Variants in RPTOR observed in about 807,000 individuals in gnomAD.
The protein encoded by RPTOR is regulatory-associated protein of mTOR.
A neutral mutation model predicts 169.9 loss-of-function variants in RPTOR; 21 were observed. That is an observed-to-expected ratio of 0.12 (90% CI 0.09 to 0.18). The LOEUF is 0.18. Among genes scored for constraint, RPTOR ranks in the 10% least tolerant of loss-of-function variants. The pLI is 1.00. For missense variants in RPTOR, 1,133 were observed against 1,855.9 expected (o/e 0.61, Z 7.16); for synonymous variants, 732 against 753.2 (o/e 0.97, Z 0.46).
At chr17:80,842,277 TATTA>T (rs1055656545) in intron 10 of RPTOR, among the ~76,000 whole-genome samples, 3 of 152,258 alleles carry the variant, frequency 2.0e-5, no homozygotes, top group Non-Finnish European at 2.9e-5. Context: ...TGGATTTTTG[TATTA>T]ATTTTTATTT....
chr17:80,849,846 T>C (rs1446452057), intron 11 of RPTOR, among the ~76,000 whole-genome samples: 1 of 152,214 alleles, frequency 6.6e-6, no homozygotes, highest in Non-Finnish European at 1.5e-5. Context: ...CGAGGAGCTC[T>C]GGACTCTCGT....
At chr17:80,741,130 C>A (rs1439915518) in intron 5 of RPTOR, among the ~76,000 whole-genome samples, 4 of 152,190 alleles carry the variant, frequency 2.6e-5, no homozygotes, top group Non-Finnish European at 2.9e-5. Flanking sequence ...TGGCAAGGTT[C>A]TCAAGATGTG....
chr17:80,636,689 C>T (rs1181061488), intron 2 of RPTOR, among the ~76,000 whole-genome samples: 1 of 152,166 alleles, frequency 6.6e-6, no homozygotes, highest in Non-Finnish European at 1.5e-5. Flanking sequence ...GCACTAGCCC[C>T]AGTATCCCCA....
intron 9 of RPTOR, among the ~76,000 whole-genome samples, chr17:80,826,435 G>A (rs770448103): frequency 2.6e-5 from 4 of 152,236 alleles, no homozygotes; most frequent in East Asian, 1.9e-4. Flanking sequence ...GGCAGTAACC[G>A]CAGGTCTGGA....
At chr17:80,669,312 C>T (rs1012356420) in intron 3 of RPTOR, among the ~76,000 whole-genome samples, 2 of 152,264 alleles carry the variant, frequency 1.3e-5, no homozygotes, top group Admixed American at 1.3e-4. Flanking sequence ...CGGAGTGCTG[C>T]CCTTGCTGCA....
chr17:80,883,738 TTGGCAGGCAGAGGCCAACC>T (rs2068211098), intron 15 of RPTOR, 24 bp from the exon 16 acceptor site: 1 of 1,594,766 alleles, frequency 6.3e-7, no homozygotes, highest in Non-Finnish European at 8.6e-7. Flanking sequence ...GTGCCTGCCA[TTGGCAGGCAGAGGCCAACC>T]TGTCTGTGGT....
intron 7 of RPTOR, among the ~76,000 whole-genome samples, chr17:80,801,402 G>C (rs939712300): frequency 3.3e-5 from 5 of 152,104 alleles, no homozygotes; most frequent in Non-Finnish European, 7.4e-5. Context: ...GACAAGCTGG[G>C]ACAGGGATTT....
At chr17:80,547,685 T>C (rs1024346319) in intron 1 of RPTOR, among the ~76,000 whole-genome samples, 3 of 152,228 alleles carry the variant, frequency 2.0e-5, no homozygotes, top group Non-Finnish European at 4.4e-5. Flanking sequence ...TTTGGAATCT[T>C]GTCATCTCTT....
chr17:80,578,821 G>A (rs184030512), intron 1 of RPTOR, among the ~76,000 whole-genome samples: 28 of 152,318 alleles, frequency 1.8e-4, no homozygotes, highest in Non-Finnish European at 3.5e-4. Flanking sequence ...TGCTGGCACC[G>A]CTGCTAAGTG....
At chr17:80,743,767 T>TAGCACAGC (rs1567887258) in intron 5 of RPTOR, among the ~76,000 whole-genome samples, 4 of 84,666 alleles carry the variant, frequency 4.7e-5, no homozygotes, top group African/African-American at 2.2e-4. Flanking sequence ...ACTAGCACTC[T>TAGCACAGC]CCTGGTTACT....
chr17:80,896,378 C>T (rs1421290774), intron 20 of RPTOR, among the ~76,000 whole-genome samples: 4 of 148,736 alleles, frequency 2.7e-5, no homozygotes, highest in African/African-American at 5.0e-5. Context: ...CGACACCCCA[C>T]GCGGCCTCGC....
chr17:80,913,538 G>A lies in RPTOR; in HGVS notation c.2520+4609G>A, dbSNP rs1249770009. Among the ~76,000 whole-genome samples the A allele has an allele frequency of 4.0e-5, 6 of 151,832 alleles. No homozygotes were observed. The East Asian group carries it at 5.8e-4, about 15-fold the overall frequency. On this transcript the variant is annotated intron_variant, in intron 21 of 33. Transcript: ENST00000306801. ...TCCAGTCACGGCTCACTGCAGCCTC[G>A]ACCTCCTGGGCTCAAGCGATCCTCC...
chr17:80,629,261 A>G (rs1030916560), intron 2 of RPTOR, among the ~76,000 whole-genome samples: 1 of 151,114 alleles, frequency 6.6e-6, no homozygotes, highest in Admixed American at 6.6e-5. Context: ...TCAGCTCTCT[A>G]TGTATTGTGC....
intron 7 of RPTOR, among the ~76,000 whole-genome samples, chr17:80,795,557 A>C (rs1022283792): frequency 8.6e-5 from 13 of 151,754 alleles, no homozygotes; most frequent in African/African-American, 2.2e-4. Flanking sequence ...TAAATGCTAA[A>C]GGTTTATTTT....
intron 6 of RPTOR, among the ~76,000 whole-genome samples, chr17:80,776,931 G>T (rs1721381069): frequency 6.6e-6 from 1 of 152,138 alleles, no homozygotes; most frequent in Non-Finnish European, 1.5e-5. Context: ...CAAGTGCTGA[G>T]TTATTGATCA....
intron 29 of RPTOR, among the ~76,000 whole-genome samples, chr17:80,958,152 C>T (rs1465706818): frequency 2.6e-5 from 4 of 151,214 alleles, no homozygotes; most frequent in African/African-American, 9.7e-5. Flanking sequence ...GCAATCACAG[C>T]TCACTGCAGC....
rs987852154 is a variant in RPTOR, at chr17:80,823,021, C to T, written c.992-58C>T. ...GATAGAAGTGAATTTGTGTATTTGGCTTTAAATGCTAGACACAAGTCACTG... is the reference window on the plus strand; with the variant it reads ...GATAGAAGTGAATTTGTGTATTTGGTTTTAAATGCTAGACACAAGTCACTG... On this transcript the variant is annotated intron_variant, in intron 8 of 33. Coordinates refer to ENST00000306801, the MANE Select transcript of RPTOR (RefSeq NM_020761.3). The surrounding 1 kb of genome is among the most constrained non-coding windows in gnomAD (Gnocchi z 4.5). The T allele has an allele frequency of 2.7e-5, 42 of 1,561,104 alleles. No homozygotes were observed. Among genetic ancestry groups the T allele is most frequent in the Non-Finnish European group, 1.7e-5 (20 of 1,151,618 alleles).
At chr17:80,963,082 C>T (rs750036414) in intron 33 of RPTOR, 25 bp downstream of exon 33, 25 of 31,014 alleles carry the variant, frequency 8.1e-4, no homozygotes, top group East Asian at 3.0e-3. Context: ...GGGTGGGGGT[C>T]GGGGGTCGGG....
rs2068151015 is a variant in RPTOR, at chr17:80,878,762, T to C, written c.1510-1653T>C. Among the ~76,000 whole-genome samples the C allele has an allele frequency of 6.6e-6, 1 of 152,226 alleles. No individual in the cohort carries two copies. ...TTTTCCTCGGGTTTTGGGCAAATAC[T>C]TCCCGAAGTATTATCGTTACCCCTG... On this transcript the variant is annotated intron_variant, in intron 13 of 33. Coordinates refer to ENST00000306801, the MANE Select transcript of RPTOR (RefSeq NM_020761.3). This position sits in a 1 kb window ranked among gnomAD's most constrained non-coding sequence, Gnocchi z 4.1.
Sources: gnomAD v4.1 joint callset for allele counts (sites outside exome capture counted in the v4.1 genomes callset) on GRCh38, gnomAD v4.1.1 for gene constraint, Gnocchi (gnomAD v3.1) non-coding constraint, MANE v1.5 for transcripts, NCBI Gene and HGNC (gene_info 2026-07-23, HGNC 2026-07-21) for gene names.